The following MALRD1 variants were observed in gnomAD, a reference collection of about 807,000 sequenced individuals.
The protein encoded by MALRD1 is MAM and LDL-receptor class A domain-containing protein 1.
Under a neutral mutation model 242.1 loss-of-function variants are expected in MALRD1, and 247 were observed. The observed-to-expected ratio is 1.02, with a 90% confidence interval of 0.92 to 1.13. The LOEUF (loss-of-function observed/expected upper bound fraction) is 1.13. MALRD1 is among the 50% of genes most tolerant of loss of function. MALRD1 has a pLI of 0.00. For missense variants in MALRD1, 2,989 were observed against 2,533.1 expected (o/e 1.18, Z -3.86); for synonymous variants, 995 against 866.6 (o/e 1.15, Z -2.60).
rs184500371 is a variant in MALRD1, at chr10:19,117,005, G to A, written c.695-6487G>A. 1.6e-4 allele frequency among the ~76,000 whole-genome samples: 24 copies of A among 151,372 alleles called. 1 individual carries two copies. The East Asian group carries it at 4.3e-3, about 27-fold the overall frequency. ...AGCTACTGGGGAGGCTGAGGCAGGA[G>A]AATCGCTTGAACCTGAGAGGCAGAG... On this transcript the variant is annotated intron_variant, in intron 5 of 39. Transcript: ENST00000454679.
chr10:19,343,247 T>G (rs1356527459), intron 24 of MALRD1, among the ~76,000 whole-genome samples: 1 of 152,136 alleles, frequency 6.6e-6, no homozygotes, highest in Non-Finnish European at 1.5e-5. Flanking sequence ...CCTTCAATTT[T>G]GAAATAATTA....
intron 31 of MALRD1, among the ~76,000 whole-genome samples, chr10:19,530,364 T>G (rs1429676853): frequency 2.9e-5 from 3 of 105,154 alleles, no homozygotes; most frequent in African/African-American, 1.2e-4. Context: ...AATATTTATA[T>G]AAATATTTAT....
At chr10:19,465,287 C>T (rs371384909) in intron 29 of MALRD1, among the ~76,000 whole-genome samples, 5 of 152,010 alleles carry the variant, frequency 3.3e-5, no homozygotes, top group Non-Finnish European at 7.4e-5. Context: ...TGTCTTGTTA[C>T]GGTTCTCAAA....
At chr10:19,360,478 A>G (rs1228290042) in intron 26 of MALRD1, among the ~76,000 whole-genome samples, 2 of 152,066 alleles carry the variant, frequency 1.3e-5, no homozygotes, top group African/African-American at 4.8e-5. Flanking sequence ...TTTCTTCATT[A>G]TGGCAGCTAG....
At chr10:19,415,196 A>T (rs919359465) in intron 28 of MALRD1, among the ~76,000 whole-genome samples, 1 of 152,214 alleles carries the variant, frequency 6.6e-6, no homozygotes, top group Non-Finnish European at 1.5e-5. Context: ...AATAATTTTT[A>T]AATGTGTTAA....
chr10:19,267,914 G>C (rs967695603), intron 19 of MALRD1, among the ~76,000 whole-genome samples: 4 of 151,910 alleles, frequency 2.6e-5, no homozygotes, highest in Admixed American at 2.6e-4. Flanking sequence ...ATATATATAG[G>C]GAAGAAAAAT....
At chr10:19,323,694 C>T (rs992929236) in intron 21 of MALRD1, among the ~76,000 whole-genome samples, 2 of 152,128 alleles carry the variant, frequency 1.3e-5, no homozygotes, top group African/African-American at 4.8e-5. Context: ...CTGCAACCTG[C>T]ACTTCCTGGG....
chr10:19,071,268 T>G (rs192744210), intron 2 of MALRD1, among the ~76,000 whole-genome samples: 6 of 152,016 alleles, frequency 3.9e-5, no homozygotes, highest in Admixed American at 3.9e-4. Context: ...GCCAGAGACT[T>G]GGACAGAGAT....
chr10:19,232,508 T>G (rs779561948), intron 18 of MALRD1, among the ~76,000 whole-genome samples: 5 of 152,054 alleles, frequency 3.3e-5, no homozygotes, highest in Non-Finnish European at 7.4e-5. Flanking sequence ...CTAACCTAAA[T>G]TATTTTAAAA....
intron 14 of MALRD1, among the ~76,000 whole-genome samples, chr10:19,178,182 A>G (rs1265445678): frequency 3.9e-5 from 6 of 152,240 alleles, no homozygotes; most frequent in African/African-American, 2.4e-5. Flanking sequence ...ATGTGCATCC[A>G]TCTGAACACC....
chr10:19,281,173 C>T (rs1390117233), intron 20 of MALRD1, among the ~76,000 whole-genome samples: 1 of 152,156 alleles, frequency 6.6e-6, no homozygotes, highest in Non-Finnish European at 1.5e-5. Context: ...TCAAAGCTGA[C>T]TCACTTCATG....
In MALRD1 at chr10:19,318,321, TTTG is replaced by T. The variant is rs368198318; in HGVS notation, c.3420-5622_3420-5620del. On this transcript the variant is annotated intron_variant, in intron 21 of 39. Coordinates refer to ENST00000454679, the MANE Select transcript of MALRD1 (RefSeq NM_001142308.3). ...AGTTTGATAAAAACACAAATGCAGT[TTTG>T]TTGTTTGCATTTTTCAAATTGATCT... Among the ~76,000 whole-genome samples, 213 of 152,126 alleles carry T rather than the reference TTTG, an allele frequency of 1.4e-3. 1 individual carries two copies. The highest frequency in any genetic ancestry group is 5.0e-3 in the African/African-American group (209 of 41,550).
intron 21 of MALRD1, among the ~76,000 whole-genome samples, chr10:19,312,850 A>G (rs1588893753): frequency 6.6e-6 from 1 of 151,498 alleles, no homozygotes; most frequent in East Asian, 1.9e-4. Context: ...CTGCAGGTGA[A>G]TTAGTGTTAG....
At chr10:19,362,944 G>A (rs1340235443) in intron 26 of MALRD1, among the ~76,000 whole-genome samples, 1 of 152,022 alleles carries the variant, frequency 6.6e-6, no homozygotes, top group Non-Finnish European at 1.5e-5. Context: ...AATTAAGAGA[G>A]ATTTTTGATT....
At chr10:19,070,959 C>A (rs927915670) in intron 2 of MALRD1, among the ~76,000 whole-genome samples, 4 of 142,464 alleles carry the variant, frequency 2.8e-5, no homozygotes, top group South Asian at 2.3e-4. Context: ...TCAAGCAATT[C>A]TCCTGTGTCA....
At chr10:19,671,941 ATTTTTTC>A (rs1841940727) in intron 36 of MALRD1, among the ~76,000 whole-genome samples, 1 of 150,688 alleles carries the variant, frequency 6.6e-6, no homozygotes, top group African/African-American at 2.4e-5. Flanking sequence ...TTTTTTTTTC[ATTTTTTC>A]TTTTTTCCAA....
At chr10:19,441,695 G>GT (rs1228816246) in intron 28 of MALRD1, among the ~76,000 whole-genome samples, 1 of 152,030 alleles carries the variant, frequency 6.6e-6, no homozygotes, top group Non-Finnish European at 1.5e-5. Context: ...GTCTATATCT[G>GT]TTTTTTGGTA....
At chr10:19,255,362 G>GA (rs1250718770) in intron 18 of MALRD1, among the ~76,000 whole-genome samples, 1 of 151,836 alleles carries the variant, frequency 6.6e-6, no homozygotes, top group African/African-American at 2.4e-5. Flanking sequence ...CGTTCTCGGG[G>GA]AAAAACACCA....
At chr10:19,709,243 T>TAAAAAAAAAAAAAAAA (rs557818453) in intron 38 of MALRD1, among the ~76,000 whole-genome samples, 5 of 105,948 alleles carry the variant, frequency 4.7e-5, no homozygotes, top group East Asian at 2.9e-4. Flanking sequence ...CCGTCTGTAC[T>TAAAAAAAAAAAAAAAA]AAAAAAAAAA....
Sources: allele counts gnomAD v4.1 joint callset (sites outside exome capture counted in the v4.1 genomes callset), GRCh38; gene constraint gnomAD v4.1.1; transcripts MANE v1.5; gene names NCBI Gene and HGNC (gene_info 2026-07-23, HGNC 2026-07-21).